Variants in EPC2 observed in about 807,000 individuals in gnomAD.
The protein encoded by EPC2 is enhancer of polycomb 2.
A neutral mutation model predicts 92.1 loss-of-function variants in EPC2; 14 were observed. The observed-to-expected ratio is 0.15, with a 90% confidence interval of 0.10 to 0.24. The LOEUF is 0.24. EPC2 is among the 10% of genes least tolerant of loss of function. The probability of loss-of-function intolerance (pLI) is 1.00; values close to 1 mark genes in which losing one functional copy is unlikely to be tolerated. For synonymous variants in EPC2, 340 were observed against 334.7 expected (o/e 1.02, Z -0.17); for missense variants, 755 against 971.5 (o/e 0.78, Z 2.96).
At chr2:148,748,102 A>G (rs1400997013) in intron 3 of EPC2, among the ~76,000 whole-genome samples, 1 of 152,048 alleles carries the variant, frequency 6.6e-6, no homozygotes, top group Non-Finnish European at 1.5e-5. Flanking sequence ...ATCTCACAAC[A>G]TTGTTTTACA....
At chr2:148,727,529 C>T (rs533323896) in intron 2 of EPC2, among the ~76,000 whole-genome samples, 82 of 152,196 alleles carry the variant, frequency 5.4e-4, no homozygotes, top group Non-Finnish European at 9.4e-4. Flanking sequence ...CTTTCTATGA[C>T]ATATTTATTA....
intron 2 of EPC2, among the ~76,000 whole-genome samples, chr2:148,694,460 G>A (rs772270058): frequency 3.9e-5 from 6 of 152,090 alleles, no homozygotes; most frequent in Admixed American, 6.6e-5. Context: ...AGTCTTTGAT[G>A]ACCTAAGATA....
chr2:148,738,187 T>C (rs571377307), intron 2 of EPC2, among the ~76,000 whole-genome samples: 12 of 152,320 alleles, frequency 7.9e-5, no homozygotes, highest in African/African-American at 2.9e-4. Context: ...TTGAGATAAG[T>C]ATGTGTTCAT....
rs776825796 is a variant in EPC2 at position 148,769,210 on chromosome 2, C to G, written c.1200C>G (p.Phe400Leu). 1 of 1,612,246 alleles carries G rather than the reference C, an allele frequency of 6.2e-7. No individual in the cohort carries two copies. Among genetic ancestry groups the G allele is most frequent in the Non-Finnish European group, 8.5e-7 (1 of 1,179,170 alleles). Residue 400 changes from phenylalanine to leucine, a missense_variant, in exon 8 of 14, where the codon TTC (phenylalanine) becomes TTG (leucine). Physicochemically the swap from Phe to Leu is conservative, Grantham distance 22. This residue lies in a region of EPC2 where 509 missense variants were observed against 607.7 expected (regional missense o/e 0.84). Coordinates refer to ENST00000258484, the MANE Select transcript of EPC2 (RefSeq NM_015630.4). The part of the protein sequence containing the change: ...EENDPDGPCA[F>L]RRRAGCQYYA... ...ATGATCCTGATGGTCCCTGTGCTTTCAGAAGGCGGGCAGGATGCCAGTATT... is the reference window on the plus strand; with the variant it reads ...ATGATCCTGATGGTCCCTGTGCTTTGAGAAGGCGGGCAGGATGCCAGTATT...
chr2:148,728,751 G>A (rs1403046332), intron 2 of EPC2, among the ~76,000 whole-genome samples: 1 of 149,846 alleles, frequency 6.7e-6, no homozygotes, highest in East Asian at 2.0e-4. Flanking sequence ...TTTAAAAAAA[G>A]GCCGGGCACG....
chr2:148,783,820 G>GT, intron 12 of EPC2, 64 bp downstream of exon 12: 1 of 1,487,452 alleles, frequency 6.7e-7, no homozygotes, highest in Non-Finnish European at 9.1e-7. Context: ...TTGGGAGTTT[G>GT]TTTTTTGTTT....
At position 148,765,192 on chromosome 2, in the gene EPC2, A is replaced by G. The variant is rs1683386128; in HGVS notation, c.1140+46A>G. On this transcript the variant is annotated intron_variant, in intron 7 of 13. Transcript: ENST00000258484. ...TAAAGATATTTCTTCTTAGTATTTT[A>G]TATTGCTATATTTTTAAAACAATTG... The G allele has an allele frequency of 3.0e-6, 4 of 1,322,416 alleles. No homozygotes were observed. In the South Asian group the frequency reaches 5.2e-5, roughly 17 times the overall value. The allele number at this position is 1,322,416 out of a possible 1,614,324, so 81.9% of individuals were successfully genotyped here.
At chr2:148,757,682 A>G (rs530098315) in intron 4 of EPC2, among the ~76,000 whole-genome samples, 1 of 152,056 alleles carries the variant, frequency 6.6e-6, no homozygotes, top group South Asian at 2.1e-4. Context: ...TACTAAAAAT[A>G]CAAAATTAGC....
At chr2:148,731,413 T>C (rs1414557320) in intron 2 of EPC2, among the ~76,000 whole-genome samples, 1 of 152,192 alleles carries the variant, frequency 6.6e-6, no homozygotes, top group Non-Finnish European at 1.5e-5. Flanking sequence ...TTTAGGATTT[T>C]TTTTTTGAGG....
At chr2:148,660,194 AAGAGAG>A (rs1357833815) in intron 1 of EPC2, among the ~76,000 whole-genome samples, 2 of 152,262 alleles carry the variant, frequency 1.3e-5, no homozygotes, top group Admixed American at 1.3e-4. Flanking sequence ...CTATGTGTGT[AAGAGAG>A]AGAAAGAGAA....
intron 2 of EPC2, among the ~76,000 whole-genome samples, chr2:148,700,079 GT>G (rs977815907): frequency 1.3e-5 from 2 of 152,030 alleles, no homozygotes; most frequent in African/African-American, 2.4e-5. Context: ...TGGATTGCTT[GT>G]TTTATTGTTG....
At chr2:148,688,650 T>G (rs1190622408) in intron 1 of EPC2, among the ~76,000 whole-genome samples, 2 of 152,218 alleles carry the variant, frequency 1.3e-5, no homozygotes, top group African/African-American at 2.4e-5. Flanking sequence ...TAGAACTGTT[T>G]GACCTCAACA....
At chr2:148,698,600 C>T (rs1337331899) in intron 2 of EPC2, among the ~76,000 whole-genome samples, 4 of 132,834 alleles carry the variant, frequency 3.0e-5, no homozygotes, top group Non-Finnish European at 4.6e-5. Flanking sequence ...CGTGCCATTG[C>T]ACTCCAGCCT....
chr2:148,780,415 T>A (rs13020551), intron 10 of EPC2, among the ~76,000 whole-genome samples: 20,993 of 152,008 alleles, frequency 0.14, 2,280 homozygotes, highest in East Asian at 0.41. Context: ...CATAAAAAAA[T>A]TTTTTTGATT....
intron 1 of EPC2, chr2:148,645,409 C>G (rs531297967): frequency 4.5e-6 from 2 of 443,630 alleles, no homozygotes; most frequent in Admixed American, 4.4e-5. Flanking sequence ...CTTACGCTGC[C>G]GTAAGGGGGC....
rs1381704978 is a variant in EPC2, at chr2:148,671,310, A to G, written c.154-18904A>G. Among the ~76,000 whole-genome samples, 35 of 60,496 alleles carry G rather than the reference A, an allele frequency of 5.8e-4. No individual in the cohort carries two copies. In the Admixed American group the frequency reaches 6.1e-3, roughly 11 times the overall value. The allele number at this position is 60,496 out of a possible 152,430, so 39.7% of individuals were successfully genotyped here. A position where few individuals can be genotyped will look rare whatever the true frequency, so the allele number is the denominator to read the frequency against. ...TGATTTTTTTTTTTTTTTTTTTTGTAGCATTAAAAAGTCATCTTTTTGGCT... is the reference window on the plus strand; with the variant it reads ...TGATTTTTTTTTTTTTTTTTTTTGTGGCATTAAAAAGTCATCTTTTTGGCT... On this transcript the variant is annotated intron_variant, in intron 1 of 13. Transcript: ENST00000258484.
rs1219870694 is a variant in EPC2, at chr2:148,786,819, G to C, written c.*442G>C. 2.0e-5 allele frequency: 3 copies of C among 152,798 alleles called. No homozygotes were observed. Among genetic ancestry groups the C allele is most frequent in the South Asian group, 2.1e-4 (1 of 4,842 alleles). The allele number at this position is 152,798 out of a possible 1,614,324, so 9.5% of individuals were successfully genotyped here. Reference sequence around the variant, plus strand: ...TTCATAGCTAGGAAATGAAATTCTTGTAATTTTTTTCTAAAGGAACTGTAA... The same window carrying C: ...TTCATAGCTAGGAAATGAAATTCTTCTAATTTTTTTCTAAAGGAACTGTAA... On this transcript the variant is annotated 3_prime_UTR_variant, in exon 14 of 14. Coordinates refer to ENST00000258484, the MANE Select transcript of EPC2 (RefSeq NM_015630.4).
chr2:148,783,277 A>G (rs989218917), intron 11 of EPC2, among the ~76,000 whole-genome samples: 3 of 152,184 alleles, frequency 2.0e-5, no homozygotes, highest in African/African-American at 7.2e-5. Context: ...AATCATCTCT[A>G]TGATTTCATT....
At chr2:148,728,994 T>C (rs1462517701) in intron 2 of EPC2, among the ~76,000 whole-genome samples, 1 of 128,944 alleles carries the variant, frequency 7.8e-6, no homozygotes, top group Non-Finnish European at 1.5e-5. Flanking sequence ...ATCGCGCCAC[T>C]GTACTCCAGC....
Sources: allele counts gnomAD v4.1 joint callset (sites outside exome capture counted in the v4.1 genomes callset), GRCh38; gene constraint gnomAD v4.1.1; regional missense constraint gnomAD v4.1.1; transcripts MANE v1.5; gene names NCBI Gene and HGNC (gene_info 2026-07-23, HGNC 2026-07-21).